CACNA2D1: variants seen among roughly 807,000 people sequenced by gnomAD.
CACNA2D1 encodes calcium voltage-gated channel auxiliary subunit alpha2delta 1.
Under a neutral mutation model 171.5 loss-of-function variants are expected in CACNA2D1, and 53 were observed. That is an observed-to-expected ratio of 0.31 (90% confidence interval 0.25 to 0.39). The LOEUF (loss-of-function observed/expected upper bound fraction) is 0.39, where lower values mean the gene tolerates loss of function less well. Ranked by LOEUF, CACNA2D1 falls within the 10% of genes least tolerant of loss-of-function variation. CACNA2D1 has a pLI of 1.00. For missense variants in CACNA2D1, 903 were observed against 1,299.8 expected, an observed-to-expected ratio of 0.69 and a Z score of 4.69; for synonymous variants, 442 against 443.1, an observed-to-expected ratio of 1.00 and a Z score of 0.03.
chr7:82,253,216 G>A (rs193279663), intron 3 of CACNA2D1, among the ~76,000 whole-genome samples: 12 of 152,292 alleles, frequency 7.9e-5, no homozygotes, highest in African/African-American at 2.9e-4. Flanking sequence ...GATAGAAAAA[G>A]TGATAAGTTT....
chr7:82,140,442 A>G (rs1359811975), intron 4 of CACNA2D1, among the ~76,000 whole-genome samples: 1 of 152,116 alleles, frequency 6.6e-6, no homozygotes, highest in East Asian at 1.9e-4. Flanking sequence ...TTATTCCCTT[A>G]TTTCATGAAA....
intron 3 of CACNA2D1, among the ~76,000 whole-genome samples, chr7:82,265,050 G>C (rs1341765552): frequency 2.6e-5 from 4 of 152,246 alleles, no homozygotes; most frequent in South Asian, 4.1e-4. Context: ...TCCAAACCCA[G>C]GTCTTGTAAG....
At chr7:82,257,892 T>C (rs763153966) in intron 3 of CACNA2D1, among the ~76,000 whole-genome samples, 18 of 152,162 alleles carry the variant, frequency 1.2e-4, no homozygotes, top group Non-Finnish European at 2.5e-4. Context: ...CTTATAAAGA[T>C]GGAGGAGATT....
At chr7:82,016,085 T>G (rs1014082078) in intron 12 of CACNA2D1, among the ~76,000 whole-genome samples, 1 of 152,198 alleles carries the variant, frequency 6.6e-6, no homozygotes, top group African/African-American at 2.4e-5. Context: ...TATCTTTCTC[T>G]CCAGGAATTC....
chr7:81,968,323 G>A (rs769087055), intron 29 of CACNA2D1, among the ~76,000 whole-genome samples: 2 of 151,216 alleles, frequency 1.3e-5, no homozygotes, highest in African/African-American at 2.4e-5. Context: ...GCCCACTTCC[G>A]ATCCTCATTA....
rs180674583 is a variant in CACNA2D1 at position 81,966,624 on chromosome 7, G to C, written c.2502+545C>G. On this transcript the variant is annotated intron_variant, in intron 31 of 38. Transcript: ENST00000356860. Reference sequence around the variant, plus strand: ...CATTCTTAGAGCATCTTCAACTTTTGAACAAAGTTCACATTTCCTTTTTCA... The same window carrying C: ...CATTCTTAGAGCATCTTCAACTTTTCAACAAAGTTCACATTTCCTTTTTCA... Among the ~76,000 whole-genome samples, 194 of 151,016 alleles carry C rather than the reference G, an allele frequency of 1.3e-3. 5 individuals are homozygous for C. Among genetic ancestry groups the C allele is most frequent in the East Asian group, 8.7e-3 (45 of 5,148 alleles).
intron 34 of CACNA2D1, among the ~76,000 whole-genome samples, chr7:81,963,406 G>A (rs775004007): frequency 6.6e-6 from 1 of 151,840 alleles, no homozygotes; most frequent in Non-Finnish European, 1.5e-5. Context: ...ATGGATTCCA[G>A]ACGTAACAGG....
Position 81,950,145 on chromosome 7 carries a change from C to T in CACNA2D1, c.*247G>A, listed in dbSNP as rs1432400185. 1 of 549,912 alleles carries T rather than the reference C, an allele frequency of 1.8e-6. No homozygotes were observed. Among genetic ancestry groups the T allele is most frequent in the African/African-American group, 1.9e-5 (1 of 52,802 alleles). The allele number at this position is 549,912 out of a possible 1,614,324, so 34.1% of individuals were successfully genotyped here. A position where few individuals can be genotyped will look rare whatever the true frequency, so the allele number is the denominator to read the frequency against. ...AACTCCCAAATTTTCCAATAGAGGA[C>T]ACGTATAGGATTTTGCTTTGATGTT... On this transcript the variant is annotated 3_prime_UTR_variant, in exon 39 of 39. Transcript: ENST00000356860.
chr7:82,005,045 G>A (rs1798984892), intron 18 of CACNA2D1, among the ~76,000 whole-genome samples: 1 of 152,072 alleles, frequency 6.6e-6, no homozygotes, highest in Admixed American at 6.6e-5. Flanking sequence ...AAGGGCAATA[G>A]AAAATGTGGC....
chr7:82,144,638 T>G lies in CACNA2D1; in HGVS notation c.355-7962A>C, dbSNP rs186418155. 2.1e-5 allele frequency among the ~76,000 whole-genome samples: 3 copies of G among 142,670 alleles called. No homozygotes were observed. In the Admixed American group the frequency reaches 2.1e-4, roughly 10 times the overall value. The allele number at this position is 142,670 out of a possible 152,430, so 93.6% of individuals were successfully genotyped here. A position where few individuals can be genotyped will look rare whatever the true frequency, so the allele number is the denominator to read the frequency against. The stretch of plus-strand genomic sequence containing the variant: ...TTCCTTAGCTCCTATATAAAGCATT[T>G]TAATATTTTTCTAACATTTCTCTAA... On this transcript the variant is annotated intron_variant, in intron 4 of 38. Coordinates refer to ENST00000356860, the MANE Select transcript of CACNA2D1 (RefSeq NM_000722.4).
At chr7:82,339,720 T>A (rs998755718) in intron 2 of CACNA2D1, among the ~76,000 whole-genome samples, 3 of 152,124 alleles carry the variant, frequency 2.0e-5, no homozygotes, top group Non-Finnish European at 4.4e-5. Context: ...CTGAAGAGAC[T>A]AGTGGGAGGA....
intron 3 of CACNA2D1, among the ~76,000 whole-genome samples, chr7:82,272,826 T>C (rs1020663481): frequency 7.9e-5 from 12 of 152,258 alleles, no homozygotes; most frequent in African/African-American, 2.9e-4. Flanking sequence ...ATTTAAAAAG[T>C]AGATCTTGCA....
At chr7:82,092,741 G>C (rs559587589) in intron 6 of CACNA2D1, among the ~76,000 whole-genome samples, 132 of 151,696 alleles carry the variant, frequency 8.7e-4, no homozygotes, top group African/African-American at 3.1e-3. Flanking sequence ...AATTAAATGA[G>C]TAAATAAATT....
chr7:82,202,922 A>AAAATAATTTGATTTTGGC (rs1204777834), intron 3 of CACNA2D1, among the ~76,000 whole-genome samples: 1 of 152,136 alleles, frequency 6.6e-6, no homozygotes, highest in African/African-American at 2.4e-5. Context: ...GGCCAGGTTG[A>AAAATAATTTGATTTTGGC]CAGAGAGAAA....
At chr7:82,339,015 G>C (rs1433961072) in intron 2 of CACNA2D1, among the ~76,000 whole-genome samples, 1 of 152,146 alleles carries the variant, frequency 6.6e-6, no homozygotes, top group Non-Finnish European at 1.5e-5. Context: ...CTAAGTAGCA[G>C]TCAAGTTCAC....
chr7:82,390,833 T>A (rs530707898), intron 1 of CACNA2D1, among the ~76,000 whole-genome samples: 49 of 152,220 alleles, frequency 3.2e-4, no homozygotes, highest in Middle Eastern at 3.4e-3. Context: ...ATGAAAAAAA[T>A]TTTTTTAATC....
intron 3 of CACNA2D1, among the ~76,000 whole-genome samples, chr7:82,292,426 G>A (rs995732206): frequency 6.6e-6 from 1 of 152,076 alleles, no homozygotes; most frequent in African/African-American, 2.4e-5. Context: ...TTTACTGTTT[G>A]TTTCCTTGTT....
intron 4 of CACNA2D1, among the ~76,000 whole-genome samples, chr7:82,138,682 G>C (rs1315955254): frequency 6.6e-6 from 1 of 151,778 alleles, no homozygotes; most frequent in Non-Finnish European, 1.5e-5. Flanking sequence ...TCCTGACCTC[G>C]TGATCCGCCC....
intron 23 of CACNA2D1, 112 bp from the exon 24 acceptor site, chr7:81,982,739 G>A (rs1241612405): frequency 2.6e-6 from 2 of 773,382 alleles, no homozygotes; most frequent in African/African-American, 1.7e-5. Flanking sequence ...ATTGAAAATA[G>A]AGTACTTACA....
Sources: gnomAD v4.1 joint callset for allele counts (sites outside exome capture counted in the v4.1 genomes callset) on GRCh38, gnomAD v4.1.1 for gene constraint, MANE v1.5 for transcripts, NCBI Gene and HGNC (gene_info 2026-07-23, HGNC 2026-07-21) for gene names.